Variants in NOMO2 observed in about 807,000 individuals in gnomAD.
The protein encoded by NOMO2 is NODAL modulator 2.
NOMO2 carries 14 observed loss-of-function variants against 67.1 expected under a neutral mutation model. The observed-to-expected ratio is 0.21, with a 90% CI of 0.14 to 0.33. The LOEUF (loss-of-function observed/expected upper bound fraction) is 0.33, where lower values mean the gene tolerates loss of function less well. Among genes scored for constraint, NOMO2 ranks in the 10% least tolerant of loss-of-function variants. The probability of loss-of-function intolerance (pLI) is 1.00; values close to 1 mark genes in which losing one functional copy is unlikely to be tolerated. For synonymous variants in NOMO2, 80 were observed against 305.9 expected (o/e 0.26, Z 7.71); for missense variants, 178 against 761.0 (o/e 0.23, Z 9.01).
chr16:18,553,765 C>T (rs1238145474), intron 3 of NOMO2, among the ~76,000 whole-genome samples: 1 of 123,480 alleles, frequency 8.1e-6, no homozygotes, highest in African/African-American at 2.8e-5. Flanking sequence ...ATGAGCAGGG[C>T]TGCATTCCTC....
At chr16:18,531,790 T>C (rs1387216816) in intron 12 of NOMO2, among the ~76,000 whole-genome samples, 183 bp from the exon 13 acceptor site, 1 of 152,110 alleles carries the variant, frequency 6.6e-6, no homozygotes, top group Non-Finnish European at 1.5e-5. Context: ...GTAAGCACAG[T>C]TCTACCCAGA....
At chr16:18,533,655 G>A (rs1264571704) in intron 11 of NOMO2, 1 of 163,266 alleles carries the variant, frequency 6.1e-6, no homozygotes, top group African/African-American at 2.4e-5. Flanking sequence ...TTCCTTGCTT[G>A]TGATTATATA....
intron 1 of NOMO2, among the ~76,000 whole-genome samples, chr16:18,558,124 C>T (rs1901953544): frequency 1.4e-5 from 2 of 147,838 alleles, no homozygotes; most frequent in Non-Finnish European, 3.0e-5. Flanking sequence ...TAGTAAGGTG[C>T]TTATTAACAT....
chr16:18,561,173 TAAAAAAAAAAAAAAA>T (rs756246897), intron 1 of NOMO2, among the ~76,000 whole-genome samples: 15 of 32,454 alleles, frequency 4.6e-4, no homozygotes, highest in African/African-American at 1.7e-3. Context: ...ACAACTTAAT[TAAAAAAAAAAAAAAA>T]AAAAAAAAAA....
At chr16:18,558,882 C>T (rs1367546911) in intron 1 of NOMO2, 1 of 455,132 alleles carries the variant, frequency 2.2e-6, no homozygotes, top group Non-Finnish European at 4.4e-6. Flanking sequence ...AAAGAAAAAT[C>T]AGTTTGCGGC....
chr16:18,529,413 G>A (rs565031363), intron 15 of NOMO2, 88 bp downstream of exon 15: 33 of 1,611,024 alleles, frequency 2.0e-5, no homozygotes, highest in East Asian at 2.0e-4. Flanking sequence ...ACTTGCCTAC[G>A]TTTACAATAT....
intron 6 of NOMO2, among the ~76,000 whole-genome samples, chr16:18,544,607 T>G (rs1901623937): frequency 6.6e-6 from 1 of 151,938 alleles, no homozygotes; most frequent in Non-Finnish European, 1.5e-5. Flanking sequence ...CCACTTTCTG[T>G]CCGTCACTTT....
At chr16:18,537,483 GAA>G (rs1337359807) in intron 11 of NOMO2, among the ~76,000 whole-genome samples, 1 of 144,316 alleles carries the variant, frequency 6.9e-6, no homozygotes, top group Non-Finnish European at 1.5e-5. Flanking sequence ...CCCAGTGGGA[GAA>G]AGCCCCTACG....
intron 16 of NOMO2, among the ~76,000 whole-genome samples, chr16:18,525,285 G>A (rs1170587578): frequency 2.7e-5 from 4 of 149,426 alleles, no homozygotes; most frequent in South Asian, 2.2e-4. Flanking sequence ...AACAAATATC[G>A]ACAGAGCACC....
At chr16:18,555,354 A>AC (rs1407057207) in intron 2 of NOMO2, among the ~76,000 whole-genome samples, 1 of 148,694 alleles carries the variant, frequency 6.7e-6, no homozygotes, top group African/African-American at 2.5e-5. Context: ...ACATAGCAAG[A>AC]CCCCATCTGT....
chr16:18,526,303 C>T (rs1179592553), intron 16 of NOMO2, among the ~76,000 whole-genome samples: 4 of 152,192 alleles, frequency 2.6e-5, no homozygotes, highest in Admixed American at 1.3e-4. Context: ...CCGGAACCCT[C>T]GTGCATTGCT....
intron 3 of NOMO2, among the ~76,000 whole-genome samples, chr16:18,554,530 G>A (rs1210953576): frequency 2.6e-5 from 4 of 151,070 alleles, no homozygotes; most frequent in Admixed American, 6.6e-5. Flanking sequence ...ACTGTTCCAC[G>A]GCCACGTAAT....
At chr16:18,557,040 T>C (rs1901922252) in intron 2 of NOMO2, among the ~76,000 whole-genome samples, 2 of 151,374 alleles carry the variant, frequency 1.3e-5, no homozygotes, top group South Asian at 4.2e-4. Context: ...GGAAGGAAAA[T>C]GGCTTGAACC....
chr16:18,543,738 T>C lies in NOMO2; in HGVS notation c.614A>G (p.Asn205Ser), dbSNP rs1901603324. The C allele has an allele frequency of 6.2e-7, 1 of 1,609,194 alleles. No individual in the cohort carries two copies. Among genetic ancestry groups the C allele is most frequent in the African/African-American group, 1.3e-5 (1 of 74,438 alleles). Residue 205 changes from asparagine to serine, a missense_variant, in exon 7 of 31, where the codon AAT becomes AGT. Asn to Ser is a conservative substitution (Grantham distance 46, BLOSUM62 1). Coordinates refer to ENST00000622306, the MANE Select transcript of NOMO2 (RefSeq NM_173614.4). The part of the protein sequence containing the change: ...ASTTVRVTNS[N>S]ANAASPLIVA... ...TATGAGGGGACTGGCCGCATTGGCA[T>C]TGGAGTTGGTTACACGCACTGTGGT...
intron 11 of NOMO2, among the ~76,000 whole-genome samples, chr16:18,535,582 T>C (rs1360000730): frequency 4.6e-5 from 7 of 151,874 alleles, no homozygotes; most frequent in Non-Finnish European, 1.0e-4. Context: ...GTGTTCTCCA[T>C]GTGACCTACC....
At chr16:18,553,044 C>A (rs1901824948) in intron 3 of NOMO2, among the ~76,000 whole-genome samples, 1 of 151,808 alleles carries the variant, frequency 6.6e-6, no homozygotes, top group Non-Finnish European at 1.5e-5. Flanking sequence ...GAGGCCAAAG[C>A]GGGCAGATCA....
intron 1 of NOMO2, chr16:18,559,004 A>G: frequency 5.7e-6 from 2 of 353,530 alleles, no homozygotes; most frequent in Non-Finnish European, 1.1e-5. Flanking sequence ...CATCCCTACT[A>G]GAAAAAAAAT....
chr16:18,552,469 GCACACACA>G (rs201636709), intron 3 of NOMO2, among the ~76,000 whole-genome samples: 9 of 97,704 alleles, frequency 9.2e-5, no homozygotes, highest in South Asian at 7.9e-4. Context: ...ACGCGTACAT[GCACACACA>G]CACACACACA....
intron 6 of NOMO2, among the ~76,000 whole-genome samples, chr16:18,545,374 A>C (rs1596856192): frequency 6.6e-6 from 1 of 151,830 alleles, no homozygotes; most frequent in African/African-American, 2.4e-5. Context: ...CTGGAATTAC[A>C]GCATGAGCAA....
Sources: allele counts gnomAD v4.1 joint callset (sites outside exome capture counted in the v4.1 genomes callset), GRCh38; gene constraint gnomAD v4.1.1; transcripts MANE v1.5; gene names NCBI Gene and HGNC (gene_info 2026-07-23, HGNC 2026-07-21).